Variants in CTIF observed in about 807,000 individuals in gnomAD.
CTIF encodes the protein cap binding complex dependent translation initiation factor.
CTIF carries 21 observed loss-of-function variants against 66.0 expected under a neutral mutation model. That is an observed-to-expected ratio of 0.32 (90% CI 0.23 to 0.46). The LOEUF (loss-of-function observed/expected upper bound fraction) is 0.46. Among genes scored for constraint, CTIF ranks in the 20% least tolerant of loss-of-function variants. The pLI is 1.00. For missense variants in CTIF, 739 were observed against 812.7 expected (o/e 0.91, Z 1.10); for synonymous variants, 345 against 326.4 (o/e 1.06, Z -0.62).
intron 6 of CTIF, among the ~76,000 whole-genome samples, chr18:48,684,615 AGAT>A (rs1290556104): frequency 6.6e-6 from 1 of 152,218 alleles, no homozygotes; most frequent in Non-Finnish European, 1.5e-5. Flanking sequence ...ATGTTTAATC[AGAT>A]GATTACTTCA....
intron 1 of CTIF, among the ~76,000 whole-genome samples, chr18:48,559,603 C>T (rs2089105956): frequency 6.6e-6 from 1 of 152,242 alleles, no homozygotes; most frequent in Non-Finnish European, 1.5e-5. Context: ...CACATGGCAT[C>T]AGCTGGGCTG....
intron 6 of CTIF, among the ~76,000 whole-genome samples, chr18:48,710,087 T>A (rs894647917): frequency 6.6e-6 from 1 of 152,062 alleles, no homozygotes; most frequent in African/African-American, 2.4e-5. Context: ...GTGGTCAGTT[T>A]CCCCCATGAG....
At chr18:48,709,336 C>T (rs944925519) in intron 6 of CTIF, among the ~76,000 whole-genome samples, 11 of 152,254 alleles carry the variant, frequency 7.2e-5, no homozygotes, top group Admixed American at 4.6e-4. Flanking sequence ...ACAGTGGCTT[C>T]ATGAGAAGCC....
chr18:48,634,280 G>A (rs2090774037), intron 2 of CTIF, among the ~76,000 whole-genome samples: 1 of 152,114 alleles, frequency 6.6e-6, no homozygotes, highest in African/African-American at 2.4e-5. Flanking sequence ...TTTTGTTACT[G>A]GTGATATTAA....
chr18:48,844,430 A>T (rs1022623692), intron 10 of CTIF, among the ~76,000 whole-genome samples: 4 of 152,208 alleles, frequency 2.6e-5, no homozygotes, highest in Non-Finnish European at 4.4e-5. Flanking sequence ...TGAGCCCCAA[A>T]TTATATTTCC....
intron 10 of CTIF, among the ~76,000 whole-genome samples, chr18:48,857,201 T>C (rs183702173): frequency 1.3e-5 from 2 of 152,348 alleles, no homozygotes; most frequent in East Asian, 3.9e-4. Flanking sequence ...TTACCAATTA[T>C]ACGTCTCTAA....
rs36110913 is a variant in CTIF at position 48,807,580 on chromosome 18, G to GTTT, written c.1372-9625_1372-9623dup. 1.2e-3 allele frequency among the ~76,000 whole-genome samples: 128 copies of GTTT among 102,800 alleles called. 3 individuals carry two copies. Among genetic ancestry groups the GTTT allele is most frequent in the African/African-American group, 2.8e-3 (77 of 27,578 alleles). 67.4% of individuals were successfully genotyped at this position (102,800 alleles called of 152,430 possible). ...CGTTTCATAAACTTTTTGTTGTTGT[G>GTTT]TTTTTTTTTTTTTTTTTTGAGACAG... On this transcript the variant is annotated intron_variant, in intron 9 of 11. Coordinates refer to ENST00000256413, the MANE Select transcript of CTIF (RefSeq NM_014772.3).
intron 10 of CTIF, among the ~76,000 whole-genome samples, chr18:48,852,858 A>T (rs1166562132): frequency 1.3e-5 from 2 of 152,188 alleles, no homozygotes; most frequent in African/African-American, 2.4e-5. Flanking sequence ...ATTATCACCA[A>T]ATTGCCATCT....
chr18:48,718,072 C>G (rs182753798), intron 7 of CTIF, among the ~76,000 whole-genome samples: 2 of 152,260 alleles, frequency 1.3e-5, no homozygotes, highest in African/African-American at 4.8e-5. Context: ...TTCAGGGTTC[C>G]CTAAATGTGT....
At chr18:48,634,256 A>G (rs1051921922) in intron 2 of CTIF, among the ~76,000 whole-genome samples, 2 of 152,200 alleles carry the variant, frequency 1.3e-5, no homozygotes, top group African/African-American at 4.8e-5. Flanking sequence ...TGGGGAGTCC[A>G]TGATGCAGAT....
chr18:48,685,128 AC>A, intron 6 of CTIF, among the ~76,000 whole-genome samples: 1 of 147,350 alleles, frequency 6.8e-6, no homozygotes, highest in South Asian at 2.1e-4. Context: ...GTCTTTTATG[AC>A]CTTGACATTT....
chr18:48,745,961 C>T (rs962052537), intron 7 of CTIF, among the ~76,000 whole-genome samples: 4 of 152,206 alleles, frequency 2.6e-5, no homozygotes, highest in Non-Finnish European at 4.4e-5. Flanking sequence ...CCTCTCCTTC[C>T]CAGGATGGAA....
chr18:48,702,911 GA>G (rs111452633), intron 6 of CTIF, among the ~76,000 whole-genome samples: 34 of 145,146 alleles, frequency 2.3e-4, no homozygotes, highest in South Asian at 8.7e-4. Flanking sequence ...TAACTTCTTA[GA>G]AAAAAAAAAA....
At chr18:48,562,527 C>A (rs962378087) in intron 1 of CTIF, among the ~76,000 whole-genome samples, 2 of 152,188 alleles carry the variant, frequency 1.3e-5, no homozygotes, top group Non-Finnish European at 2.9e-5. Flanking sequence ...CTTTCTGCAG[C>A]CCCCCGGGAT....
At chr18:48,629,767 C>T (rs1260196941) in intron 2 of CTIF, among the ~76,000 whole-genome samples, 1 of 152,090 alleles carries the variant, frequency 6.6e-6, no homozygotes, top group East Asian at 1.9e-4. Flanking sequence ...CACTTTTTGG[C>T]TGTGTATTCC....
chr18:48,714,297 G>A (rs16949857), intron 7 of CTIF, among the ~76,000 whole-genome samples: 7 of 152,142 alleles, frequency 4.6e-5, no homozygotes, highest in African/African-American at 1.4e-4. Flanking sequence ...TCCTGGGCAC[G>A]CATGGTGGCA....
intron 1 of CTIF, among the ~76,000 whole-genome samples, chr18:48,586,821 G>A (rs1186281641): frequency 4.6e-5 from 7 of 152,048 alleles, no homozygotes; most frequent in African/African-American, 1.7e-4. Context: ...AGACTCAGAG[G>A]CTTGGAACAG....
At chr18:48,563,331 G>A (rs555615313) in intron 1 of CTIF, among the ~76,000 whole-genome samples, 6 of 152,324 alleles carry the variant, frequency 3.9e-5, no homozygotes, top group Admixed American at 2.6e-4. Flanking sequence ...GTTTGAAGGT[G>A]ACTTTTGTAT....
intron 3 of CTIF, among the ~76,000 whole-genome samples, chr18:48,663,297 A>G (rs894246662): frequency 1.3e-5 from 2 of 152,156 alleles, no homozygotes; most frequent in Non-Finnish European, 2.9e-5. Context: ...AGAGAAATCC[A>G]GTTGCTGGTG....
Sources: gnomAD v4.1 joint callset for allele counts (sites outside exome capture counted in the v4.1 genomes callset) on GRCh38, gnomAD v4.1.1 for gene constraint, MANE v1.5 for transcripts, NCBI Gene and HGNC (gene_info 2026-07-23, HGNC 2026-07-21) for gene names.